VWA3A: variants seen among roughly 807,000 people sequenced by gnomAD.
VWA3A encodes von Willebrand factor A domain containing 3A.
A neutral mutation model predicts 160.4 loss-of-function variants in VWA3A; 134 were observed. The ratio of observed to expected loss-of-function variants is 0.84; its 90% confidence interval spans 0.73 to 0.96. VWA3A has a LOEUF of 0.96. VWA3A is among the 40% of genes least tolerant of loss of function. The probability of loss-of-function intolerance (pLI) is 0.00; values close to 1 mark genes in which losing one functional copy is unlikely to be tolerated. For missense variants in VWA3A, 1,310 were observed against 1,447.9 expected, an observed-to-expected ratio of 0.90 and a Z score of 1.55; for synonymous variants, 476 against 543.4, an observed-to-expected ratio of 0.88 and a Z score of 1.72.
intron 6 of VWA3A, among the ~76,000 whole-genome samples, chr16:22,107,157 A>G (rs1309042214): frequency 6.6e-6 from 1 of 152,184 alleles, no homozygotes; most frequent in Non-Finnish European, 1.5e-5. Context: ...CAAAGTCATG[A>G]CACTCAGATC....
intron 11 of VWA3A, 103 bp downstream of exon 11, chr16:22,117,279 C>A (rs965514547): frequency 8.4e-7 from 1 of 1,196,604 alleles, no homozygotes; most frequent in African/African-American, 1.5e-5. Flanking sequence ...ATACTTGTTT[C>A]TCCTTTTCTC....
At chr16:22,118,432 T>A (rs2141901344) in intron 11 of VWA3A, among the ~76,000 whole-genome samples, 1 of 152,224 alleles carries the variant, frequency 6.6e-6, no homozygotes, top group African/African-American at 2.4e-5. Context: ...ACACCTGTAA[T>A]CCCAGCACTT....
intron 8 of VWA3A, among the ~76,000 whole-genome samples, chr16:22,113,363 C>CTTTCTTTT (rs2045581091): frequency 2.2e-5 from 1 of 46,254 alleles, no homozygotes; most frequent in African/African-American, 5.6e-5. Context: ...GGCTAATTTT[C>CTTTCTTTT]TTTTTTTTTT....
chr16:22,146,611 C>G (rs1231333818), intron 27 of VWA3A, among the ~76,000 whole-genome samples: 1 of 152,030 alleles, frequency 6.6e-6, no homozygotes, highest in African/African-American at 2.4e-5. Context: ...TGATGAAACC[C>G]GTCTCTACTA....
intron 5 of VWA3A, among the ~76,000 whole-genome samples, chr16:22,101,463 C>T (rs2045406893): frequency 6.6e-6 from 1 of 152,166 alleles, no homozygotes; most frequent in Non-Finnish European, 1.5e-5. Flanking sequence ...CTGATAAAGA[C>T]ATACCCGAGA....
chr16:22,147,948 A>G (rs1265075392), intron 27 of VWA3A, among the ~76,000 whole-genome samples: 1 of 152,156 alleles, frequency 6.6e-6, no homozygotes, highest in Non-Finnish European at 1.5e-5. Context: ...TCGATCTCCC[A>G]AAGCCCAAAC....
chr16:22,146,867 G>A (rs1027479034), intron 27 of VWA3A, among the ~76,000 whole-genome samples: 10 of 152,020 alleles, frequency 6.6e-5, no homozygotes, highest in South Asian at 6.2e-4. Context: ...GAGCTCACAC[G>A]CATCCCAGCC....
chr16:22,153,739 T>A (rs1442636304), intron 31 of VWA3A, among the ~76,000 whole-genome samples: 1 of 70 alleles, frequency 0.014, no homozygotes, highest in Non-Finnish European at 0.029. Flanking sequence ...CATGGCATAA[T>A]TTTTTTTTTT....
At chr16:22,109,115 T>C (rs1049670681) in intron 6 of VWA3A, among the ~76,000 whole-genome samples, 6 of 152,164 alleles carry the variant, frequency 3.9e-5, no homozygotes, top group African/African-American at 9.7e-5. Flanking sequence ...TAAATAAGGA[T>C]ATAGAGAAAT....
intron 26 of VWA3A, among the ~76,000 whole-genome samples, chr16:22,145,503 G>C (rs2046232075): frequency 6.6e-6 from 1 of 151,986 alleles, no homozygotes; most frequent in Admixed American, 6.6e-5. Flanking sequence ...GCCAGGCATG[G>C]TGCTGTGCAC....
At position 22,140,257 on chromosome 16, in the gene VWA3A, C is replaced by A. The variant is rs768906896; in HGVS notation, c.2383+13C>A. On this transcript the variant is annotated intron_variant, in intron 23 of 33. Transcript: ENST00000389398. ...GGCATCTCACCAGGTAAGGCACCATCACGGTCAGGCAGGGTGGAGGGATGT... is the reference window on the plus strand; with the variant it reads ...GGCATCTCACCAGGTAAGGCACCATAACGGTCAGGCAGGGTGGAGGGATGT... 6.2e-7 allele frequency: 1 copy of A among 1,612,212 alleles called. No homozygotes were observed. The highest frequency in any genetic ancestry group is 8.5e-7 in the Non-Finnish European group (1 of 1,178,874).
intron 7 of VWA3A, among the ~76,000 whole-genome samples, chr16:22,110,494 G>A (rs1490253375): frequency 6.6e-6 from 1 of 152,146 alleles, no homozygotes; most frequent in Non-Finnish European, 1.5e-5. Flanking sequence ...CAGGTGGAGT[G>A]GTCTACTATT....
intron 12 of VWA3A, among the ~76,000 whole-genome samples, chr16:22,119,745 T>C (rs1362633126): frequency 1.3e-5 from 2 of 152,150 alleles, no homozygotes; most frequent in Non-Finnish European, 2.9e-5. Flanking sequence ...TGGCCAGGTG[T>C]GATGGCTCAT....
At chr16:22,105,981 C>CG (rs1436390460) in intron 6 of VWA3A, among the ~76,000 whole-genome samples, 1 of 152,048 alleles carries the variant, frequency 6.6e-6, no homozygotes, top group East Asian at 1.9e-4. Context: ...GGTTCGCTGT[C>CG]GGGGGAAAAA....
In VWA3A at chr16:22,136,357, C is replaced by T. The variant is rs762298412; in HGVS notation, c.2139+1919C>T. 7.2e-5 allele frequency among the ~76,000 whole-genome samples: 11 copies of T among 152,016 alleles called. 1 individual carries two copies. In the South Asian group the frequency reaches 1.0e-3, roughly 14 times the overall value. On this transcript the variant is annotated intron_variant, in intron 21 of 33. Transcript: ENST00000389398. ...ACAGGAGGAAGAGCCCATGGAAGGA[C>T]GGAGAGGTGCAGGGAAGGCGGGTCT... is the stretch of plus-strand genomic sequence containing the variant.
At position 22,121,031 on chromosome 16, in the gene VWA3A, G is replaced by A. The variant is rs778303660; in HGVS notation, c.1180G>A (p.Ala394Thr). ...SLLPKPPKHD[A>T]PLTIEFPNLD... ...CTTGCCTAAACCCCCAAAGCATGAC[G>A]CTCCTCTCACCATTGAGTTTCCAAA... The change falls in exon 13 of 34, where the codon GCT becomes ACT. Residue 394 changes from alanine (A) to threonine (T), a missense_variant. Coordinates refer to ENST00000389398, the MANE Select transcript of VWA3A (RefSeq NM_173615.5). 2.5e-6 allele frequency: 4 copies of A among 1,613,920 alleles called. No individual in the cohort carries two copies. Among genetic ancestry groups the A allele is most frequent in the South Asian group, 2.2e-5 (2 of 91,062 alleles).
At chr16:22,130,879 A>C (rs891889841) in intron 17 of VWA3A, among the ~76,000 whole-genome samples, 11 of 152,078 alleles carry the variant, frequency 7.2e-5, no homozygotes, top group Middle Eastern at 3.4e-3. Context: ...TTAAAAAAAA[A>C]AAACAAACTA....
At chr16:22,109,451 G>A (rs896188378) in intron 6 of VWA3A, 31 bp from the exon 7 acceptor site, 1 of 1,542,954 alleles carries the variant, frequency 6.5e-7, no homozygotes, top group Admixed American at 1.9e-5. Flanking sequence ...GACTTGCACT[G>A]GCTGTTTCCA....
At position 22,115,903 on chromosome 16, in the gene VWA3A, A is replaced by G. The variant is rs1193910022; in HGVS notation, c.815+431A>G. Among the ~76,000 whole-genome samples the G allele has an allele frequency of 5.5e-4, 19 of 34,310 alleles. No homozygotes were observed. The South Asian group carries it at 8.0e-3, about 14-fold the overall frequency. The allele number at this position is 34,310 out of a possible 152,430, so 22.5% of individuals were successfully genotyped here. A position where few individuals can be genotyped will look rare whatever the true frequency, so the allele number is the denominator to read the frequency against. On this transcript the variant is annotated intron_variant, in intron 9 of 33. Coordinates refer to ENST00000389398, the MANE Select transcript of VWA3A (RefSeq NM_173615.5). ...GAAGGAAGGAAGGAAGGAAGGAAGG[A>G]AGGAAGGAAGGAAGGAAGGAAAGGA...
Sources: allele counts gnomAD v4.1 joint callset (sites outside exome capture counted in the v4.1 genomes callset), GRCh38; gene constraint gnomAD v4.1.1; transcripts MANE v1.5; gene names NCBI Gene and HGNC (gene_info 2026-07-23, HGNC 2026-07-21).